Variants in CREB3L1 observed in about 807,000 individuals in gnomAD.
The protein encoded by CREB3L1 is cyclic AMP-responsive element-binding protein 3-like protein 1.
Under a neutral mutation model 54.5 loss-of-function variants are expected in CREB3L1, and 33 were observed. That is an observed-to-expected ratio of 0.61 (90% CI 0.46 to 0.81). The LOEUF is 0.81. CREB3L1 is among the 30% of genes least tolerant of loss of function. CREB3L1 has a pLI of 0.00. For missense variants in CREB3L1, 656 were observed against 673.3 expected, an observed-to-expected ratio of 0.97 and a Z score of 0.29; for synonymous variants, 284 against 286.4, an observed-to-expected ratio of 0.99 and a Z score of 0.08.
chr11:46,277,884 C>T lies in CREB3L1; in HGVS notation c.-228C>T, dbSNP rs1171828526. ...AGTCGGCTGAATGCCCACGGTGCGC[C>T]CGGGGCCCCTGAGCCCATCCCGCTC... On this transcript the variant is annotated 5_prime_UTR_variant, in exon 1 of 12. Coordinates refer to ENST00000621158, the MANE Select transcript of CREB3L1 (RefSeq NM_052854.4). The T allele has an allele frequency of 1.1e-5, 4 of 370,988 alleles. No individual in the cohort carries two copies. Among genetic ancestry groups the T allele is most frequent in the Admixed American group, 4.6e-5 (1 of 21,542 alleles). The allele number at this position is 370,988 out of a possible 1,614,324, so 23.0% of individuals were successfully genotyped here. A position where few individuals can be genotyped will look rare whatever the true frequency, so the allele number is the denominator to read the frequency against.
intron 3 of CREB3L1, among the ~76,000 whole-genome samples, chr11:46,309,625 T>C (rs1297021240): frequency 6.6e-6 from 1 of 152,240 alleles, no homozygotes; most frequent in East Asian, 1.9e-4. Context: ...CTACCAGCCA[T>C]TGAACAGCTA....
In CREB3L1 at chr11:46,301,695, A is replaced by G. The variant is rs529361718; in HGVS notation, c.331+1532A>G. ...AAAAATAGACGGGGTGCTGTGGCTC[A>G]CGCCTATAATCCCAGCACTTTAGGA... is the stretch of plus-strand genomic sequence containing the variant. On this transcript the variant is annotated intron_variant, in intron 2 of 11. Transcript: ENST00000621158. Among the ~76,000 whole-genome samples, 7 of 151,402 alleles carry G rather than the reference A, an allele frequency of 4.6e-5. No individual in the cohort carries two copies. The East Asian group carries it at 1.4e-3, about 30-fold the overall frequency.
At position 46,320,523 on chromosome 11, in the gene CREB3L1, C is replaced by G. The variant is rs773657140; in HGVS notation, c.1518C>G (p.His506Gln). The G allele has an allele frequency of 7.0e-7, 1 of 1,426,244 alleles. No homozygotes were observed. Among genetic ancestry groups the G allele is most frequent in the Admixed American group, 2.6e-5 (1 of 39,178 alleles). 88.3% of individuals were successfully genotyped at this position (1,426,244 alleles called of 1,614,324 possible). A position where few individuals can be genotyped will look rare whatever the true frequency, so the allele number is the denominator to read the frequency against. Residue 506 changes from histidine to glutamine, a missense_variant, in exon 11 of 12, where the codon CAC becomes CAG. By Grantham distance (24) the His-to-Gln change is conservative. Coordinates refer to ENST00000621158, the MANE Select transcript of CREB3L1 (RefSeq NM_052854.4). Reference protein sequence around the residue: ...PDFSHSKEWFHDRDLGPNTTI... With the variant: ...PDFSHSKEWFQDRDLGPNTTI... ...TCTCCCACTCCAAGGAGTGGTTCCA[C>G]GACAGGTGGGGTGTGTGGCCCCTTT... is the stretch of plus-strand genomic sequence containing the variant.
chr11:46,314,362 A>G (rs967584897), intron 8 of CREB3L1, among the ~76,000 whole-genome samples: 11 of 152,008 alleles, frequency 7.2e-5, no homozygotes, highest in African/African-American at 2.4e-4. Context: ...AATTCATGTT[A>G]GCTTTTATTC....
At position 46,320,507 on chromosome 11, in the gene CREB3L1, C is replaced by T; in HGVS notation, c.1502C>T (p.Ser501Phe). 6.4e-7 allele frequency: 1 copy of T among 1,557,790 alleles called. No homozygotes were observed. The highest frequency in any genetic ancestry group is 8.6e-7 in the Non-Finnish European group (1 of 1,156,204). The change falls in exon 11 of 12, where the codon TCC becomes TTC. Residue 501 changes from serine to phenylalanine, a missense_variant. Transcript: ENST00000621158. ...GGCACCAGCCCCGACTTCTCCCACT[C>T]CAAGGAGTGGTTCCACGACAGGTGG... ...GNGTSPDFSH[S>F]KEWFHDRDLG...
Position 46,320,411 on chromosome 11 carries a change from A to G in CREB3L1, c.1406A>G (p.His469Arg). Residue 469 changes from histidine (H) to arginine (R), a missense_variant, in exon 11 of 12, where the codon CAT (histidine) becomes CGT (arginine). By Grantham distance (29) the His-to-Arg change is conservative (BLOSUM62 0). Coordinates refer to ENST00000621158, the MANE Select transcript of CREB3L1 (RefSeq NM_052854.4). ...CAGCGGCCCCGGGACCACCTGCAGCATGATCACCTGGACAGCACCCACGAG... is the reference window on the plus strand; with the variant it reads ...CAGCGGCCCCGGGACCACCTGCAGCGTGATCACCTGGACAGCACCCACGAG... The part of the protein sequence containing the change: ...AEQRPRDHLQ[H>R]DHLDSTHETT... The G allele has an allele frequency of 1.2e-6, 2 of 1,611,398 alleles. No individual in the cohort carries two copies. Among genetic ancestry groups the G allele is most frequent in the Non-Finnish European group, 1.7e-6 (2 of 1,178,870 alleles).
rs572137266 is a variant in CREB3L1, at chr11:46,295,548, G to A, written c.103-4387G>A. The stretch of plus-strand genomic sequence containing the variant: ...GGGTCCCATGCAGGCCCGAGCCAGT[G>A]CACCCTGCGCTCCCTCAGCCGCGGG... On this transcript the variant is annotated intron_variant, in intron 1 of 11. Coordinates refer to ENST00000621158, the MANE Select transcript of CREB3L1 (RefSeq NM_052854.4). This position sits in a 1 kb window ranked among gnomAD's most constrained non-coding sequence, Gnocchi z 4.6. Among the ~76,000 whole-genome samples, 2 of 152,342 alleles carry A rather than the reference G, an allele frequency of 1.3e-5. No homozygotes were observed. The highest frequency in any genetic ancestry group is 1.9e-4 in the East Asian group (1 of 5,176).
chr11:46,292,334 G>C (rs1265281230), intron 1 of CREB3L1, among the ~76,000 whole-genome samples: 3 of 152,144 alleles, frequency 2.0e-5, no homozygotes, highest in Non-Finnish European at 2.9e-5. Context: ...AGAAAAAAGG[G>C]CCTGACTCCA....
chr11:46,305,696 G>GTGTGTATA (rs200127266), intron 2 of CREB3L1, among the ~76,000 whole-genome samples: 17 of 105,806 alleles, frequency 1.6e-4, no homozygotes, highest in Admixed American at 2.8e-4. Context: ...ATATATGTGT[G>GTGTGTATA]TGTGTGTGTG....
Position 46,320,773 on chromosome 11 carries a change from C to T in CREB3L1, c.*27C>T, listed in dbSNP as rs757255511. Reference sequence around the variant, plus strand: ...CCATGCCAAGACCCAGGACATAGGACGGACCCCTGGTACCCAGAAGAGGAG... The same window carrying T: ...CCATGCCAAGACCCAGGACATAGGATGGACCCCTGGTACCCAGAAGAGGAG... On this transcript the variant is annotated 3_prime_UTR_variant, in exon 12 of 12. Transcript: ENST00000621158. 63 of 1,608,816 alleles carry T rather than the reference C, an allele frequency of 3.9e-5. No homozygotes were observed. The highest frequency in any genetic ancestry group is 7.8e-5 in the South Asian group (7 of 89,892).
intron 1 of CREB3L1, among the ~76,000 whole-genome samples, chr11:46,284,424 G>A (rs1289921645): frequency 1.3e-5 from 2 of 152,160 alleles, no homozygotes; most frequent in African/African-American, 4.8e-5. Context: ...GCTGAGGCAG[G>A]TGGATCACCT....
intron 10 of CREB3L1, 133 bp downstream of exon 10, chr11:46,317,620 C>A: frequency 8.4e-7 from 1 of 1,184,764 alleles, no homozygotes; most frequent in Non-Finnish European, 1.2e-6. Context: ...CCTCATTTTC[C>A]AGATGGGGAA....
In CREB3L1 at chr11:46,302,408, T is replaced by C. The variant is rs1329132007; in HGVS notation, c.331+2245T>C. ...AGTTCTTCCACTCAGGTAATCAGCA[T>C]TCAAGACCCACATTGTGCCCCACTT... On this transcript the variant is annotated intron_variant, in intron 2 of 11. Coordinates refer to ENST00000621158, the MANE Select transcript of CREB3L1 (RefSeq NM_052854.4). Among the ~76,000 whole-genome samples, 3 of 152,218 alleles carry C rather than the reference T, an allele frequency of 2.0e-5. No homozygotes were observed. The East Asian group carries it at 5.8e-4, about 29-fold the overall frequency.
chr11:46,278,005 T>G lies in CREB3L1; in HGVS notation c.-107T>G. 3 of 301,590 alleles carry G rather than the reference T, an allele frequency of 9.9e-6. No homozygotes were observed. Among genetic ancestry groups the G allele is most frequent in the Non-Finnish European group, 1.2e-5 (2 of 173,590 alleles). The allele number at this position is 301,590 out of a possible 1,614,324, so 18.7% of individuals were successfully genotyped here. ...CTCCCCCGGGGCTTCGCCCCGGACC[T>G]GCCCCCCGCCCGTTTGCCAGCGCTC... On this transcript the variant is annotated 5_prime_UTR_variant, in exon 1 of 12. Coordinates refer to ENST00000621158, the MANE Select transcript of CREB3L1 (RefSeq NM_052854.4). The surrounding 1 kb of genome is among the most constrained non-coding windows in gnomAD (Gnocchi z 4.2).
At chr11:46,308,071 C>A in intron 3 of CREB3L1, 71 bp downstream of exon 3, 2 of 1,335,734 alleles carry the variant, frequency 1.5e-6, no homozygotes, top group South Asian at 1.5e-5. Flanking sequence ...AAGAGGTGCC[C>A]AAAGCCCTGT....
chr11:46,282,980 G>A (rs1478318510), intron 1 of CREB3L1, among the ~76,000 whole-genome samples: 1 of 152,048 alleles, frequency 6.6e-6, no homozygotes, highest in Non-Finnish European at 1.5e-5. Flanking sequence ...TTGAGCCCAG[G>A]AGTTCAAGAC....
chr11:46,320,866 G>C lies in CREB3L1; in HGVS notation c.*120G>C. The stretch of plus-strand genomic sequence containing the variant: ...TGGAGCTTCCCATTCCAGGAGAAAA[G>C]GCTCCACTTCCCAGCCCTTCCTTGC... On this transcript the variant is annotated 3_prime_UTR_variant, in exon 12 of 12. Transcript: ENST00000621158. The C allele has an allele frequency of 9.2e-7, 1 of 1,082,004 alleles. No homozygotes were observed. The highest frequency in any genetic ancestry group is 1.4e-6 in the Non-Finnish European group (1 of 719,004). 67.0% of individuals were successfully genotyped at this position (1,082,004 alleles called of 1,614,324 possible).
At chr11:46,318,929 G>A (rs1009479348) in intron 10 of CREB3L1, among the ~76,000 whole-genome samples, 1 of 152,112 alleles carries the variant, frequency 6.6e-6, no homozygotes, top group Non-Finnish European at 1.5e-5. Flanking sequence ...GAGAGTGAAA[G>A]CTCCTCCCCG....
chr11:46,299,551 TAAG>T (rs1939262149), intron 1 of CREB3L1, among the ~76,000 whole-genome samples: 1 of 152,198 alleles, frequency 6.6e-6, no homozygotes, highest in African/African-American at 2.4e-5. Context: ...ATGAAGGAAG[TAAG>T]AAGGACTGAG....
Sources: allele counts gnomAD v4.1 joint callset (sites outside exome capture counted in the v4.1 genomes callset), GRCh38; gene constraint gnomAD v4.1.1; non-coding constraint Gnocchi (gnomAD v3.1); transcripts MANE v1.5; gene names NCBI Gene and HGNC (gene_info 2026-07-23, HGNC 2026-07-21).